Variants in AKR1C3 observed in about 807,000 individuals in gnomAD.
AKR1C3 encodes the protein aldo-keto reductase family 1 member C3.
A neutral mutation model predicts 43.6 loss-of-function variants in AKR1C3; 48 were observed. The ratio of observed to expected loss-of-function variants is 1.10; its 90% confidence interval spans 0.87 to 1.40. AKR1C3 has a LOEUF of 1.40. Among genes scored for constraint, AKR1C3 ranks in the 40% most tolerant of loss-of-function variants. AKR1C3 has a pLI of 0.00. For synonymous variants in AKR1C3, 162 were observed against 139.6 expected (o/e 1.16, Z -1.13); for missense variants, 482 against 391.2 (o/e 1.23, Z -1.96).
intron 1 of AKR1C3, among the ~76,000 whole-genome samples, chr10:5,088,140 C>T (rs1451423304): frequency 2.0e-5 from 3 of 152,090 alleles, no homozygotes; most frequent in Non-Finnish European, 4.4e-5. Flanking sequence ...GAGAGTTCCT[C>T]TTGATATTGA....
intron 1 of AKR1C3, among the ~76,000 whole-genome samples, chr10:5,072,241 C>A (rs781877358): frequency 2.6e-5 from 4 of 152,140 alleles, no homozygotes; most frequent in Non-Finnish European, 4.4e-5. Context: ...TATTTGATCA[C>A]TAAAATACGA....
rs565201920 is a variant in AKR1C3, at chr10:5,079,616, C to T, written c.85-16794C>T. 3.9e-5 allele frequency among the ~76,000 whole-genome samples: 6 copies of T among 152,118 alleles called. No homozygotes were observed. In the South Asian group the frequency reaches 1.2e-3, roughly 32 times the overall value. ...TCTCCATAGGCCACTGTCTATCTTC[C>T]TGAGGGCAGCTTGGGGAGCCCCTGA... is the stretch of plus-strand genomic sequence containing the variant. On this transcript the variant is annotated intron_variant, in intron 1 of 8. Coordinates refer to the AKR1C3 transcript ENST00000439082.
At chr10:5,083,055 G>A (rs1277980802) in intron 1 of AKR1C3, among the ~76,000 whole-genome samples, 2 of 148,188 alleles carry the variant, frequency 1.3e-5, no homozygotes, top group African/African-American at 5.0e-5. Context: ...GTGTTTCCAG[G>A]AATTTATCTA....
At chr10:5,074,398 C>T (rs1210832055) in intron 1 of AKR1C3, among the ~76,000 whole-genome samples, 5 of 152,156 alleles carry the variant, frequency 3.3e-5, no homozygotes, top group African/African-American at 1.2e-4. Flanking sequence ...GCAGGAAATA[C>T]AAGAACAGCT....
chr10:5,092,483 CTT>C (rs35143522), upstream of AKR1C3, among the ~76,000 whole-genome samples: 8,994 of 134,280 alleles, frequency 0.067, 291 homozygotes, highest in Middle Eastern at 0.1. Context: ...TCTCTTTACT[CTT>C]TTTTTTTTTT....
intron 5 of AKR1C3, among the ~76,000 whole-genome samples, chr10:5,100,163 A>G (rs1839312477): frequency 6.6e-6 from 1 of 152,102 alleles, no homozygotes. Context: ...GTTTGGTGGC[A>G]CACGCCTGTA....
intron 1 of AKR1C3, among the ~76,000 whole-genome samples, chr10:5,063,764 G>GAAAAAAAAAAAAAAAAAAAAAAAAA (rs1406943359): frequency 1.5e-4 from 5 of 33,446 alleles, no homozygotes; most frequent in East Asian, 1.4e-3. Context: ...CTCTGTCTCA[G>GAAAAAAAAAAAAAAAAAAAAAAAAA]CAAAAAAAAA....
At chr10:5,098,073 C>T in intron 3 of AKR1C3, 1 of 994,914 alleles carries the variant, frequency 1.0e-6, no homozygotes, top group Non-Finnish European at 1.2e-6. Flanking sequence ...CTGTATTTAG[C>T]CAGGAATTAC....
intron 1 of AKR1C3, among the ~76,000 whole-genome samples, chr10:5,057,604 T>G (rs1838289142): frequency 6.6e-6 from 1 of 152,232 alleles, no homozygotes; most frequent in African/African-American, 2.4e-5. Flanking sequence ...TGAGTCATGG[T>G]GGACATCATT....
intron 1 of AKR1C3, among the ~76,000 whole-genome samples, chr10:5,082,998 T>A (rs1398121796): frequency 6.6e-6 from 1 of 152,176 alleles, no homozygotes; most frequent in Non-Finnish European, 1.5e-5. Flanking sequence ...TCATTATGGG[T>A]CTGCTCTGGA....
intron 1 of AKR1C3, among the ~76,000 whole-genome samples, chr10:5,070,629 C>T (rs1388796290): frequency 6.6e-6 from 1 of 152,170 alleles, no homozygotes; most frequent in Non-Finnish European, 1.5e-5. Context: ...TGTCTCCAGA[C>T]CCTATTTTTC....
intron 3 of AKR1C3, chr10:5,097,903 C>A: frequency 9.2e-7 from 1 of 1,085,982 alleles, no homozygotes; most frequent in Non-Finnish European, 1.1e-6. Context: ...AAAACTGCTG[C>A]ACATGTGATG....
At chr10:5,053,735 C>T (rs1838202498) in intron 1 of AKR1C3, among the ~76,000 whole-genome samples, 1 of 152,198 alleles carries the variant, frequency 6.6e-6, no homozygotes, top group Admixed American at 6.5e-5. Context: ...CTAATTGCTG[C>T]TGGATAGGGG....
chr10:5,098,771 G>T, intron 3 of AKR1C3, 31 bp from the exon 4 acceptor site: 4 of 1,590,032 alleles, frequency 2.5e-6, no homozygotes, highest in Non-Finnish European at 3.5e-6. Flanking sequence ...ATTAATTTGT[G>T]ACATCATTAA....
rs537142742 is a variant in AKR1C3, at chr10:5,062,905, G to T, written c.84+14010G>T. On this transcript the variant is annotated intron_variant, in intron 1 of 8. Coordinates refer to the AKR1C3 transcript ENST00000439082. ...ACAAAAAAACTTGTAATTTCTCAAA[G>T]CTCAACACTTGGTTTTTAGGAACAC... Among the ~76,000 whole-genome samples, 3 of 149,748 alleles carry T rather than the reference G, an allele frequency of 2.0e-5. 1 individual carries two copies. Among genetic ancestry groups the T allele is most frequent in the African/African-American group, 7.4e-5 (3 of 40,732 alleles).
chr10:5,056,946 C>T (rs1315759031), intron 1 of AKR1C3, among the ~76,000 whole-genome samples: 1 of 152,216 alleles, frequency 6.6e-6, no homozygotes, highest in Non-Finnish European at 1.5e-5. Flanking sequence ...GAGATTAACA[C>T]TGAGAAGGCT....
chr10:5,052,196 G>A (rs1358122142), intron 1 of AKR1C3, among the ~76,000 whole-genome samples: 1 of 152,140 alleles, frequency 6.6e-6, no homozygotes, highest in African/African-American at 2.4e-5. Context: ...TCTTAAGGTG[G>A]CACGTCTGGA....
chr10:5,102,866 T>A (rs1839393309), intron 7 of AKR1C3, among the ~76,000 whole-genome samples: 1 of 152,128 alleles, frequency 6.6e-6, no homozygotes, highest in Admixed American at 6.5e-5. Context: ...GAGATTTTTT[T>A]ATTTCAGCAT....
chr10:5,069,993 G>A (rs1164686991), intron 1 of AKR1C3, among the ~76,000 whole-genome samples: 4 of 152,172 alleles, frequency 2.6e-5, no homozygotes, highest in Non-Finnish European at 5.9e-5. Context: ...AATTTTCAAG[G>A]AGCTGCTAGA....
Sources: allele counts gnomAD v4.1 joint callset (sites outside exome capture counted in the v4.1 genomes callset), GRCh38; gene constraint gnomAD v4.1.1; transcripts MANE v1.5; gene names NCBI Gene and HGNC (gene_info 2026-07-23, HGNC 2026-07-21).